The following KCNIP4 variants were observed in gnomAD, a reference collection of about 807,000 sequenced individuals.
KCNIP4 encodes potassium voltage-gated channel interacting protein 4.
KCNIP4 carries 12 observed loss-of-function variants against 34.0 expected under a neutral mutation model. That is an observed-to-expected ratio of 0.35 (90% CI 0.23 to 0.57). KCNIP4 has a LOEUF of 0.57. Among genes scored for constraint, KCNIP4 ranks in the 20% least tolerant of loss-of-function variants. The pLI, the probability that KCNIP4 is intolerant of heterozygous loss-of-function variation, is 0.83. For synonymous variants in KCNIP4, 124 were observed against 102.2 expected (o/e 1.21, Z -1.29); for missense variants, 238 against 311.7 (o/e 0.76, Z 1.78).
At chr4:21,085,879 T>TC (rs1746383536) in intron 1 of KCNIP4, among the ~76,000 whole-genome samples, 1 of 152,168 alleles carries the variant, frequency 6.6e-6, no homozygotes, top group African/African-American at 2.4e-5. Context: ...AAGGCATCTA[T>TC]CCTTCCATCA....
chr4:21,540,058 C>T (rs927438698), intron 1 of KCNIP4, among the ~76,000 whole-genome samples: 2 of 150,084 alleles, frequency 1.3e-5, no homozygotes, highest in Non-Finnish European at 3.0e-5. Flanking sequence ...TAGGAGTGAA[C>T]AAAGTTTTAT....
At chr4:21,581,078 C>A (rs1199463233) in intron 1 of KCNIP4, among the ~76,000 whole-genome samples, 1 of 151,928 alleles carries the variant, frequency 6.6e-6, no homozygotes, top group Non-Finnish European at 1.5e-5. Flanking sequence ...TTAAGTATAG[C>A]CTTGCAAAGG....
intron 1 of KCNIP4, among the ~76,000 whole-genome samples, chr4:21,734,522 AAAAAGT>A (rs1383717467): frequency 6.6e-6 from 1 of 152,190 alleles, no homozygotes; most frequent in East Asian, 1.9e-4. Context: ...AGTTAGAAGT[AAAAAGT>A]AAAACAATCA....
chr4:21,293,455 G>A (rs887521300), intron 1 of KCNIP4, among the ~76,000 whole-genome samples: 1 of 152,110 alleles, frequency 6.6e-6, no homozygotes, highest in African/African-American at 2.4e-5. Flanking sequence ...CCAATCCTTC[G>A]GGAAATAGGA....
chr4:21,498,068 G>T (rs966761960), intron 1 of KCNIP4, among the ~76,000 whole-genome samples: 4 of 152,162 alleles, frequency 2.6e-5, no homozygotes, highest in East Asian at 1.9e-4. Context: ...TTAACAAGGA[G>T]AAATTAATTT....
At chr4:21,297,937 T>TTG (rs1402271601) in intron 1 of KCNIP4, among the ~76,000 whole-genome samples, 2 of 152,158 alleles carry the variant, frequency 1.3e-5, no homozygotes, top group African/African-American at 2.4e-5. Flanking sequence ...AATATTTATC[T>TTG]TGTGCAGTCA....
intron 1 of KCNIP4, among the ~76,000 whole-genome samples, chr4:21,489,650 A>T (rs1288187046): frequency 6.6e-6 from 1 of 152,038 alleles, no homozygotes; most frequent in Non-Finnish European, 1.5e-5. Context: ...AATACATTTA[A>T]TTGTGTTATT....
At chr4:20,873,446 C>T (rs1483587982) in intron 2 of KCNIP4, among the ~76,000 whole-genome samples, 2 of 152,102 alleles carry the variant, frequency 1.3e-5, no homozygotes, top group East Asian at 3.9e-4. Flanking sequence ...TTCTTGTCGT[C>T]TTTCTCTTTC....
At chr4:21,392,061 G>A (rs1006652559) in intron 1 of KCNIP4, among the ~76,000 whole-genome samples, 1 of 152,238 alleles carries the variant, frequency 6.6e-6, no homozygotes, top group South Asian at 2.1e-4. Flanking sequence ...AGGTATTTCT[G>A]ATATTTTACT....
intron 1 of KCNIP4, among the ~76,000 whole-genome samples, chr4:21,234,261 CAT>C (rs1338069681): frequency 9.0e-6 from 1 of 110,680 alleles, no homozygotes; most frequent in Admixed American, 1.1e-4. Context: ...TTATATATAA[CAT>C]ATATAACATA....
rs1491493549 is a variant in KCNIP4, at chr4:21,086,982, T to TC, written c.62-204274_62-204273insG. Among the ~76,000 whole-genome samples the TC allele has an allele frequency of 4.0e-3, 597 of 148,690 alleles. 6 individuals carry two copies. Among genetic ancestry groups the TC allele is most frequent in the African/African-American group, 0.014 (567 of 40,170 alleles). On this transcript the variant is annotated intron_variant, in intron 1 of 8. Coordinates refer to ENST00000382152, the MANE Select transcript of KCNIP4 (RefSeq NM_025221.6). ...TCCTTTTCCTTCCTCTCTCTCTCTC[T>TC]TTCTTTCTTTTTTTTTTTTTTGAGT...
At chr4:20,957,382 C>A (rs1162130702) in intron 1 of KCNIP4, among the ~76,000 whole-genome samples, 1 of 152,190 alleles carries the variant, frequency 6.6e-6, no homozygotes, top group African/African-American at 2.4e-5. Flanking sequence ...GTCTTAACTT[C>A]ATAATGTATG....
chr4:21,252,411 C>T (rs1760780194), intron 1 of KCNIP4, among the ~76,000 whole-genome samples: 1 of 152,076 alleles, frequency 6.6e-6, no homozygotes, highest in South Asian at 2.1e-4. Flanking sequence ...CAGGTGTGAG[C>T]CCCTTCCCTC....
intron 1 of KCNIP4, among the ~76,000 whole-genome samples, chr4:21,346,003 A>C (rs1405589624): frequency 1.4e-5 from 2 of 147,436 alleles, no homozygotes; most frequent in Non-Finnish European, 3.0e-5. Flanking sequence ...TTGGAAAGGA[A>C]TGATGAAGTG....
chr4:21,686,883 G>A (rs55649200), intron 1 of KCNIP4, among the ~76,000 whole-genome samples: 6,154 of 150,368 alleles, frequency 0.041, 121 homozygotes, highest in African/African-American at 0.051. Context: ...TGTTTATTGC[G>A]GCATTATTCA....
At chr4:21,252,520 A>C (rs1166803946) in intron 1 of KCNIP4, among the ~76,000 whole-genome samples, 1 of 152,130 alleles carries the variant, frequency 6.6e-6, no homozygotes, top group African/African-American at 2.4e-5. Flanking sequence ...ATGTGATGAG[A>C]AAGTGAACCA....
At chr4:20,757,269 A>T (rs143012082) in intron 4 of KCNIP4, among the ~76,000 whole-genome samples, 3 of 152,178 alleles carry the variant, frequency 2.0e-5, no homozygotes, top group African/African-American at 7.2e-5. Context: ...TCTCCTATGC[A>T]TATACTTATT....
At chr4:20,852,474 C>A (rs1392423362) in intron 2 of KCNIP4, among the ~76,000 whole-genome samples, 1 of 152,076 alleles carries the variant, frequency 6.6e-6, no homozygotes. Context: ...AGGCACATAC[C>A]TTAATGTAAT....
intron 1 of KCNIP4, among the ~76,000 whole-genome samples, chr4:21,579,828 C>T (rs763595041): frequency 6.6e-5 from 10 of 152,140 alleles, no homozygotes; most frequent in Non-Finnish European, 1.3e-4. Context: ...TATCCTGACT[C>T]ATGTAGCAGA....
Sources: gnomAD v4.1 joint callset for allele counts (sites outside exome capture counted in the v4.1 genomes callset) on GRCh38, gnomAD v4.1.1 for gene constraint, MANE v1.5 for transcripts, NCBI Gene and HGNC (gene_info 2026-07-23, HGNC 2026-07-21) for gene names.